GAREM1: variants seen among roughly 807,000 people sequenced by gnomAD.
The protein encoded by GAREM1 is GRB2 associated regulator of MAPK1 subtype 1, also known as GRB2-associated and regulator of MAPK protein 1.
In GAREM1, 26 loss-of-function variants were observed where a neutral mutation model predicts 71.3. That is an observed-to-expected ratio of 0.36 (90% confidence interval 0.27 to 0.51). GAREM1 has a LOEUF of 0.51. Among genes scored for constraint, GAREM1 ranks in the 20% least tolerant of loss-of-function variants. The pLI is 0.95. For synonymous variants in GAREM1, 440 were observed against 433.2 expected, an observed-to-expected ratio of 1.02 and a Z score of -0.20; for missense variants, 1,026 against 1,103.1, an observed-to-expected ratio of 0.93 and a Z score of 0.99.
intron 2 of GAREM1, among the ~76,000 whole-genome samples, chr18:32,345,980 C>T (rs538501946): frequency 4.3e-4 from 65 of 152,160 alleles, no homozygotes; most frequent in South Asian, 4.2e-3. Context: ...AATAAAAAGA[C>T]GAGCTAAGGT....
chr18:32,373,346 C>T (rs746654992), intron 2 of GAREM1, among the ~76,000 whole-genome samples: 18 of 152,222 alleles, frequency 1.2e-4, no homozygotes, highest in South Asian at 1.0e-3. Context: ...TTTCTTTCTA[C>T]CACTACCCTA....
At chr18:32,439,810 C>A (rs145327794) in intron 1 of GAREM1, among the ~76,000 whole-genome samples, 5 of 152,278 alleles carry the variant, frequency 3.3e-5, no homozygotes, top group African/African-American at 9.6e-5. Context: ...CAGCCACCAA[C>A]TTCCATTCTG....
intron 2 of GAREM1, among the ~76,000 whole-genome samples, chr18:32,334,453 TG>T (rs1458253699): frequency 6.6e-6 from 1 of 150,656 alleles, no homozygotes; most frequent in Non-Finnish European, 1.5e-5. Flanking sequence ...TCACAGGGAG[TG>T]GGGGGAGGAT....
rs1157200391 is a variant in GAREM1, at chr18:32,364,028, G to GTTTTTTTTTTTTTTTTT, written c.262+28850_262+28866dup. 3.0e-3 allele frequency among the ~76,000 whole-genome samples: 66 copies of GTTTTTTTTTTTTTTTTT among 21,668 alleles called. 1 individual carries two copies. The highest frequency in any genetic ancestry group is 3.4e-3 in the Non-Finnish European group (42 of 12,464). The allele number at this position is 21,668 out of a possible 152,430, so 14.2% of individuals were successfully genotyped here. A position where few individuals can be genotyped will look rare whatever the true frequency, so the allele number is the denominator to read the frequency against. ...TATATATATATATATATATATATAT[G>GTTTTTTTTTTTTTTTTT]TTTTTTTTTTTTTTTTTTTTTTGTG... On this transcript the variant is annotated intron_variant, in intron 2 of 5. Coordinates refer to ENST00000269209, the MANE Select transcript of GAREM1 (RefSeq NM_001242409.2).
intron 1 of GAREM1, among the ~76,000 whole-genome samples, chr18:32,467,973 T>C (rs2049014190): frequency 6.6e-6 from 1 of 151,992 alleles, no homozygotes; most frequent in East Asian, 1.9e-4. Flanking sequence ...CTACCCAAAT[T>C]AAACTGCTAT....
At chr18:32,382,547 G>C (rs1238194119) in intron 2 of GAREM1, among the ~76,000 whole-genome samples, 2 of 152,068 alleles carry the variant, frequency 1.3e-5, no homozygotes, top group African/African-American at 4.8e-5. Context: ...GTAGTCAAAG[G>C]AACACCAGAC....
At chr18:32,444,058 A>G (rs957263587) in intron 1 of GAREM1, among the ~76,000 whole-genome samples, 1 of 152,150 alleles carries the variant, frequency 6.6e-6, no homozygotes, top group Non-Finnish European at 1.5e-5. Context: ...AAAATGTCCA[A>G]TGTAGGCAAA....
intron 1 of GAREM1, among the ~76,000 whole-genome samples, chr18:32,397,831 A>C (rs189976615): frequency 9.0e-4 from 137 of 152,282 alleles, no homozygotes; most frequent in African/African-American, 3.1e-3. Flanking sequence ...ACATCTACAG[A>C]ACTCTCCACC....
rs549839283 is a variant in GAREM1, at chr18:32,407,364, T to C, written c.122-14329A>G. Reference sequence around the variant, plus strand: ...GGAAGATGGTGACAGTGGTTCTGAGTGGAGGTTGCAGTGAGCCAAGATCGC... The same window carrying C: ...GGAAGATGGTGACAGTGGTTCTGAGCGGAGGTTGCAGTGAGCCAAGATCGC... On this transcript the variant is annotated intron_variant, in intron 1 of 5. Coordinates refer to ENST00000269209, the MANE Select transcript of GAREM1 (RefSeq NM_001242409.2). 6.0e-4 allele frequency among the ~76,000 whole-genome samples: 91 copies of C among 152,282 alleles called. 2 individuals carry two copies. In the South Asian group the frequency reaches 0.01, roughly 17 times the overall value.
At chr18:32,324,195 C>T (rs932337636) in intron 2 of GAREM1, among the ~76,000 whole-genome samples, 1 of 152,142 alleles carries the variant, frequency 6.6e-6, no homozygotes, top group Non-Finnish European at 1.5e-5. Flanking sequence ...ATTTTCAGTA[C>T]TATGGTGCTT....
chr18:32,356,588 T>C (rs959070617), intron 2 of GAREM1, among the ~76,000 whole-genome samples: 8 of 152,198 alleles, frequency 5.3e-5, no homozygotes, highest in Non-Finnish European at 8.8e-5. Context: ...ATCACTATCA[T>C]ATATTGAAAA....
intron 2 of GAREM1, among the ~76,000 whole-genome samples, chr18:32,321,470 A>C (rs770310365): frequency 3.9e-5 from 6 of 152,132 alleles, no homozygotes; most frequent in Non-Finnish European, 7.3e-5. Flanking sequence ...TCCTGGCTCC[A>C]AGGACCACCT....
intron 1 of GAREM1, among the ~76,000 whole-genome samples, chr18:32,420,882 T>A (rs1568004927): frequency 6.6e-6 from 1 of 152,048 alleles, no homozygotes; most frequent in African/African-American, 2.4e-5. Flanking sequence ...AATCCAACAA[T>A]CTTGCGGCAC....
At chr18:32,339,413 A>G (rs1049175454) in intron 2 of GAREM1, among the ~76,000 whole-genome samples, 1 of 152,230 alleles carries the variant, frequency 6.6e-6, no homozygotes, top group Admixed American at 6.5e-5. Flanking sequence ...TGTATATTAC[A>G]GCTTCCCTGC....
At chr18:32,342,379 T>C (rs2047655825) in intron 2 of GAREM1, among the ~76,000 whole-genome samples, 2 of 152,220 alleles carry the variant, frequency 1.3e-5, no homozygotes, top group African/African-American at 4.8e-5. Context: ...CACTTGATCA[T>C]GTCATTCCCA....
intron 1 of GAREM1, among the ~76,000 whole-genome samples, chr18:32,442,006 T>TA (rs2048743199): frequency 6.8e-6 from 1 of 146,698 alleles, no homozygotes; most frequent in Non-Finnish European, 1.5e-5. Context: ...TTTTTTTTTT[T>TA]ACAGGAAAAA....
intron 2 of GAREM1, among the ~76,000 whole-genome samples, chr18:32,331,892 A>G (rs1273458831): frequency 2.0e-5 from 3 of 152,026 alleles, no homozygotes; most frequent in East Asian, 1.9e-4. Flanking sequence ...AGGCAGAGCC[A>G]TGGGTGGGAA....
At chr18:32,456,744 T>C (rs1256365596) in intron 1 of GAREM1, among the ~76,000 whole-genome samples, 4 of 152,134 alleles carry the variant, frequency 2.6e-5, no homozygotes, top group Non-Finnish European at 5.9e-5. Flanking sequence ...ATTAATGATA[T>C]GTACAGGAAA....
chr18:32,282,304 T>C (rs1222473674), intron 4 of GAREM1, among the ~76,000 whole-genome samples: 2 of 152,176 alleles, frequency 1.3e-5, no homozygotes, highest in Non-Finnish European at 2.9e-5. Context: ...CGTGAGCCTG[T>C]AGTCCCAGCT....
Sources: gnomAD v4.1 joint callset for allele counts (sites outside exome capture counted in the v4.1 genomes callset) on GRCh38, gnomAD v4.1.1 for gene constraint, MANE v1.5 for transcripts, NCBI Gene and HGNC (gene_info 2026-07-23, HGNC 2026-07-21) for gene names.